ACSS3: variants seen among roughly 807,000 people sequenced by gnomAD.
ACSS3 encodes acyl-CoA synthetase short chain family member 3, also known as acyl-CoA synthetase short-chain family member 3, mitochondrial.
Under a neutral mutation model 84.2 loss-of-function variants are expected in ACSS3, and 64 were observed. The observed-to-expected ratio is 0.76, with a 90% confidence interval of 0.62 to 0.94. ACSS3 has a LOEUF of 0.94. Ranked by LOEUF, ACSS3 falls within the 40% of genes least tolerant of loss-of-function variation. The pLI is 0.00. For synonymous variants in ACSS3, 317 were observed against 310.1 expected (o/e 1.02, Z -0.23); for missense variants, 815 against 867.6 (o/e 0.94, Z 0.76).
intron 13 of ACSS3, among the ~76,000 whole-genome samples, chr12:81,237,554 C>T (rs141296642): frequency 3.2e-4 from 48 of 151,434 alleles, no homozygotes; most frequent in African/African-American, 9.2e-4. Flanking sequence ...AATCTTATCC[C>T]GAGTATTTTG....
intron 13 of ACSS3, among the ~76,000 whole-genome samples, chr12:81,248,126 C>T (rs540381496): frequency 1.1e-3 from 164 of 151,876 alleles, no homozygotes; most frequent in Admixed American, 2.2e-3. Flanking sequence ...TTAGTACAGC[C>T]GTTATGGAAA....
chr12:81,222,031 A>G (rs1373470009), intron 11 of ACSS3, among the ~76,000 whole-genome samples: 1 of 152,088 alleles, frequency 6.6e-6, no homozygotes, highest in Non-Finnish European at 1.5e-5. Context: ...AGTGTCCCAC[A>G]TAAACTGTAA....
intron 1 of ACSS3, 49 bp from the exon 2 acceptor site, chr12:81,109,511 A>G: frequency 1.3e-6 from 2 of 1,572,802 alleles, no homozygotes; most frequent in Non-Finnish European, 1.7e-6. Flanking sequence ...TTAAGTGACA[A>G]TATATTTTTA....
chr12:81,098,548 A>G (rs571222921), intron 1 of ACSS3, among the ~76,000 whole-genome samples: 5 of 152,184 alleles, frequency 3.3e-5, no homozygotes, highest in Admixed American at 6.5e-5. Flanking sequence ...ATGAAGACCT[A>G]CTGTATTTAC....
chr12:81,110,219 C>G (rs74720015), intron 2 of ACSS3, among the ~76,000 whole-genome samples: 3,498 of 152,302 alleles, frequency 0.023, 80 homozygotes, highest in South Asian at 0.1. Flanking sequence ...GAAATCTGGT[C>G]ATAACATTCC....
At chr12:81,229,092 G>A (rs558281833) in intron 11 of ACSS3, among the ~76,000 whole-genome samples, 229 of 151,686 alleles carry the variant, frequency 1.5e-3, no homozygotes, top group Non-Finnish European at 1.4e-3. Context: ...CATCATAAAC[G>A]TCAGCTGCCA....
chr12:81,241,674 G>C (rs2135992155), intron 13 of ACSS3, among the ~76,000 whole-genome samples: 1 of 152,198 alleles, frequency 6.6e-6, no homozygotes, highest in Middle Eastern at 3.4e-3. Flanking sequence ...CCCACTTTTT[G>C]ATGGGGTTGT....
chr12:81,250,248 G>T (rs1204611994), intron 13 of ACSS3, among the ~76,000 whole-genome samples: 1 of 151,898 alleles, frequency 6.6e-6, no homozygotes, highest in Non-Finnish European at 1.5e-5. Flanking sequence ...ATCATCACTT[G>T]GCATGCAAAT....
At chr12:81,152,220 C>A in intron 7 of ACSS3, 124 bp downstream of exon 7, 1 of 625,096 alleles carries the variant, frequency 1.6e-6, no homozygotes, top group Non-Finnish European at 2.6e-6. Flanking sequence ...ATATCTTCTT[C>A]CAGTTAAAAA....
intron 2 of ACSS3, among the ~76,000 whole-genome samples, chr12:81,123,104 A>C (rs1884778060): frequency 6.6e-6 from 1 of 152,228 alleles, no homozygotes; most frequent in South Asian, 2.1e-4. Context: ...AGGGAGGGAA[A>C]TAAATGAATG....
At chr12:81,120,619 C>T (rs4399375) in intron 2 of ACSS3, among the ~76,000 whole-genome samples, 134,156 of 152,194 alleles carry the variant, frequency 0.88, 60,338 homozygotes, top group Middle Eastern at 0.97. Flanking sequence ...ATAAGGTTTT[C>T]TGAAATAGAT....
chr12:81,225,170 G>T (rs1361237916), intron 11 of ACSS3, among the ~76,000 whole-genome samples: 4 of 151,660 alleles, frequency 2.6e-5, no homozygotes, highest in African/African-American at 7.3e-5. Context: ...GTGTGTGTGT[G>T]TGTGTTTCTG....
chr12:81,094,452 G>C (rs540126221), intron 1 of ACSS3: 6 of 152,076 alleles, frequency 3.9e-5, no homozygotes, highest in Non-Finnish European at 7.4e-5. Flanking sequence ...CACAATTGAC[G>C]CTCCCTGTGT....
At chr12:81,199,800 C>G (rs1455340274) in intron 9 of ACSS3, 1 of 638,952 alleles carries the variant, frequency 1.6e-6, no homozygotes, top group Non-Finnish European at 2.4e-6. Context: ...GCTCTGGCAG[C>G]TGCATTATCC....
rs1042441303 is a variant in ACSS3, at chr12:81,259,428, C to T, written c.*4506C>T. On this transcript the variant is annotated 3_prime_UTR_variant, in exon 16 of 16. Coordinates refer to ENST00000548058, the MANE Select transcript of ACSS3 (RefSeq NM_024560.4). ...TCATTTCATAAAAGCATCTGTTGTA[C>T]AGAGTTTATGATGTAGATGATGTTT... The T allele has an allele frequency of 1.5e-6, 1 of 662,172 alleles. No individual in the cohort carries two copies. The highest frequency in any genetic ancestry group is 1.8e-5 in the African/African-American group (1 of 55,288). The allele number at this position is 662,172 out of a possible 1,614,324, so 41.0% of individuals were successfully genotyped here.
Position 81,103,077 on chromosome 12 carries a change from A to G in ACSS3, c.312-6483A>G, listed in dbSNP as rs117454243. Among the ~76,000 whole-genome samples the G allele has an allele frequency of 1.6e-3, 251 of 152,304 alleles. 3 individuals are homozygous for G. The highest frequency in any genetic ancestry group is 3.1e-3 in the Non-Finnish European group (209 of 68,026). On this transcript the variant is annotated intron_variant, in intron 1 of 15. Transcript: ENST00000548058. The stretch of plus-strand genomic sequence containing the variant: ...CCTAGGATCATTTAAAATAATGACA[A>G]TGTTGTGAAAGGGAATTAGTAACAA...
intron 11 of ACSS3, among the ~76,000 whole-genome samples, chr12:81,228,898 T>G (rs1565732815): frequency 6.6e-6 from 1 of 151,806 alleles, no homozygotes; most frequent in South Asian, 2.1e-4. Context: ...AAAAAATACC[T>G]GTTTAATATA....
At chr12:81,110,114 A>T (rs1263467736) in intron 2 of ACSS3, among the ~76,000 whole-genome samples, 2 of 152,176 alleles carry the variant, frequency 1.3e-5, no homozygotes, top group Non-Finnish European at 2.9e-5. Flanking sequence ...CCTAAGAAAC[A>T]ACATATTTCT....
chr12:81,208,881 T>C (rs1191059455), intron 9 of ACSS3, among the ~76,000 whole-genome samples: 7 of 152,158 alleles, frequency 4.6e-5, no homozygotes, highest in Admixed American at 6.5e-5. Context: ...ATTTGGCATG[T>C]TATTTATACC....
Sources: allele counts gnomAD v4.1 joint callset (sites outside exome capture counted in the v4.1 genomes callset), GRCh38; gene constraint gnomAD v4.1.1; transcripts MANE v1.5; gene names NCBI Gene and HGNC (gene_info 2026-07-23, HGNC 2026-07-21).